The following CCDC192 variants were observed in gnomAD, a reference collection of about 807,000 sequenced individuals.
CCDC192 encodes coiled-coil domain-containing protein 192.
At chr5:127,881,024 T>G (rs1393902856) in intron 6 of CCDC192, among the ~76,000 whole-genome samples, 2 of 152,142 alleles carry the variant, frequency 1.3e-5, no homozygotes. Flanking sequence ...GTGTAATACT[T>G]AATGAGCAAC....
chr5:127,747,162 T>C (rs1753807537), intron 2 of CCDC192, among the ~76,000 whole-genome samples: 1 of 152,108 alleles, frequency 6.6e-6, no homozygotes, highest in Admixed American at 6.5e-5. Flanking sequence ...TTGTGCAGGT[T>C]AGTTACATAC....
chr5:127,847,195 A>T (rs892651605), intron 5 of CCDC192, among the ~76,000 whole-genome samples: 14 of 152,046 alleles, frequency 9.2e-5, no homozygotes, highest in African/African-American at 3.1e-4. Flanking sequence ...TTCAAGGTGG[A>T]CCCATACTTT....
intron 5 of CCDC192, among the ~76,000 whole-genome samples, chr5:127,855,947 A>G (rs756684938): frequency 1.3e-5 from 2 of 152,232 alleles, no homozygotes; most frequent in Non-Finnish European, 2.9e-5. Context: ...TAGATTTAGC[A>G]TAATTCTTAA....
chr5:127,812,173 ACAAT>A (rs1185318474), intron 5 of CCDC192, among the ~76,000 whole-genome samples: 1 of 152,220 alleles, frequency 6.6e-6, no homozygotes, highest in African/African-American at 2.4e-5. Context: ...TACCTACAAC[ACAAT>A]CAATTTTATG....
intron 6 of CCDC192, among the ~76,000 whole-genome samples, chr5:127,902,540 C>T (rs529172711): frequency 6.6e-6 from 1 of 152,228 alleles, no homozygotes; most frequent in Admixed American, 6.5e-5. Flanking sequence ...TTTCACATAC[C>T]TCCTATCTGC....
chr5:127,729,269 G>A (rs1368229830), intron 2 of CCDC192, among the ~76,000 whole-genome samples: 2 of 152,068 alleles, frequency 1.3e-5, no homozygotes, highest in African/African-American at 2.4e-5. Context: ...ACAAAGAAGG[G>A]CATTACATAA....
intron 6 of CCDC192, among the ~76,000 whole-genome samples, chr5:127,921,331 T>G (rs1013341831): frequency 6.7e-6 from 1 of 149,728 alleles, no homozygotes; most frequent in Non-Finnish European, 1.5e-5. Context: ...CATGATGACA[T>G]TAGTATACTA....
At chr5:127,719,478 T>TAC (rs1751842711) in intron 2 of CCDC192, among the ~76,000 whole-genome samples, 2 of 19,690 alleles carry the variant, frequency 1.0e-4, no homozygotes, top group African/African-American at 1.6e-4. Flanking sequence ...GACACATACA[T>TAC]ATATATATAT....
chr5:127,706,281 C>A (rs1750953146), intron 1 of CCDC192, among the ~76,000 whole-genome samples: 1 of 152,084 alleles, frequency 6.6e-6, no homozygotes, highest in Non-Finnish European at 1.5e-5. Context: ...GTAATCCCAG[C>A]ACTTTGGGAA....
intron 5 of CCDC192, among the ~76,000 whole-genome samples, chr5:127,812,020 A>G (rs1580697932): frequency 6.6e-6 from 1 of 152,332 alleles, no homozygotes; most frequent in South Asian, 2.1e-4. Context: ...CAGCTCTACC[A>G]GTTACTAGCT....
At chr5:127,882,431 A>G (rs934241047) in intron 6 of CCDC192, among the ~76,000 whole-genome samples, 2 of 151,992 alleles carry the variant, frequency 1.3e-5, no homozygotes, top group African/African-American at 4.8e-5. Context: ...TTACCTCTCC[A>G]CCTGTGAAAT....
chr5:127,714,582 TAG>T (rs1751517649), intron 2 of CCDC192, among the ~76,000 whole-genome samples: 1 of 151,946 alleles, frequency 6.6e-6, no homozygotes, highest in African/African-American at 2.4e-5. Flanking sequence ...TAAGTAGAGA[TAG>T]AGTTTCAACT....
intron 5 of CCDC192, among the ~76,000 whole-genome samples, chr5:127,848,746 G>A (rs1344844126): frequency 6.6e-6 from 1 of 152,176 alleles, no homozygotes; most frequent in Admixed American, 6.5e-5. Flanking sequence ...CATGCAGAAA[G>A]TACTGAATAA....
chr5:127,909,742 A>G (rs183738716), intron 6 of CCDC192, among the ~76,000 whole-genome samples: 1 of 152,346 alleles, frequency 6.6e-6, no homozygotes, highest in African/African-American at 2.4e-5. Context: ...ACAATGATGC[A>G]CTGAAGTTTA....
chr5:127,865,000 G>A (rs531824038), intron 5 of CCDC192, among the ~76,000 whole-genome samples: 25 of 151,806 alleles, frequency 1.6e-4, no homozygotes, highest in Admixed American at 9.2e-4. Flanking sequence ...ACAAAAAATT[G>A]GCCAGGCGTG....
intron 2 of CCDC192, among the ~76,000 whole-genome samples, chr5:127,716,354 T>C (rs1472596773): frequency 3.3e-5 from 5 of 152,156 alleles, no homozygotes; most frequent in Non-Finnish European, 7.4e-5. Flanking sequence ...AGTTTTCTTG[T>C]TTGTTGTGTC....
At chr5:127,846,181 C>T (rs749291527) in intron 5 of CCDC192, among the ~76,000 whole-genome samples, 11 of 150,726 alleles carry the variant, frequency 7.3e-5, no homozygotes, top group Admixed American at 2.7e-4. Context: ...CCCAGCTACT[C>T]GGGAGGCTAA....
intron 4 of CCDC192, 90 bp downstream of exon 4, chr5:127,797,324 A>G: frequency 5.2e-6 from 2 of 385,286 alleles, no homozygotes; most frequent in Non-Finnish European, 9.2e-6. Flanking sequence ...AGTCTGGATT[A>G]AAAGTCGTAT....
At chr5:127,734,267 T>A (rs1416942845) in intron 2 of CCDC192, among the ~76,000 whole-genome samples, 1 of 152,026 alleles carries the variant, frequency 6.6e-6, no homozygotes, top group Non-Finnish European at 1.5e-5. Context: ...CATCACTTTT[T>A]ATGGCTGCAT....
Sources: allele counts gnomAD v4.1 joint callset (sites outside exome capture counted in the v4.1 genomes callset), GRCh38; gene constraint gnomAD v4.1.1; transcripts MANE v1.5; gene names NCBI Gene and HGNC (gene_info 2026-07-23, HGNC 2026-07-21).